Variants in UBE2E3 observed in about 807,000 individuals in gnomAD.
The protein encoded by UBE2E3 is ubiquitin-conjugating enzyme E2 E3.
In UBE2E3, 5 loss-of-function variants were observed where a neutral mutation model predicts 23.6. The observed-to-expected ratio is 0.21, with a 90% confidence interval of 0.11 to 0.44. The LOEUF (loss-of-function observed/expected upper bound fraction) is 0.44. Ranked by LOEUF, UBE2E3 falls within the 20% of genes least tolerant of loss-of-function variation. The probability of loss-of-function intolerance (pLI) is 0.99; values close to 1 mark genes in which losing one functional copy is unlikely to be tolerated. For missense variants in UBE2E3, 81 were observed against 249.8 expected, an observed-to-expected ratio of 0.32 and a Z score of 4.55; for synonymous variants, 78 against 87.5, an observed-to-expected ratio of 0.89 and a Z score of 0.60.
chr2:180,991,374 A>G (rs1684655014), intron 3 of UBE2E3, among the ~76,000 whole-genome samples: 1 of 152,190 alleles, frequency 6.6e-6, no homozygotes, highest in Admixed American at 6.5e-5. Flanking sequence ...CAAGAGATTA[A>G]CAACTTCCCA....
chr2:180,984,633 G>A (rs867718424), intron 3 of UBE2E3, among the ~76,000 whole-genome samples: 1 of 152,110 alleles, frequency 6.6e-6, no homozygotes, highest in African/African-American at 2.4e-5. Context: ...AATTATTTAC[G>A]TTTTAAGCAA....
At chr2:181,026,391 A>G (rs978315683) in intron 3 of UBE2E3, among the ~76,000 whole-genome samples, 2 of 151,776 alleles carry the variant, frequency 1.3e-5, no homozygotes, top group African/African-American at 4.8e-5. Flanking sequence ...TTAACAAATA[A>G]CTGCAGTCTC....
chr2:180,999,265 G>A (rs1219918805), intron 3 of UBE2E3, among the ~76,000 whole-genome samples: 1 of 152,104 alleles, frequency 6.6e-6, no homozygotes, highest in Non-Finnish European at 1.5e-5. Flanking sequence ...GTAGGCTAAA[G>A]AAGAAAAACT....
At chr2:181,041,231 TCTC>T (rs1202245697) in intron 3 of UBE2E3, among the ~76,000 whole-genome samples, 1 of 42,226 alleles carries the variant, frequency 2.4e-5, no homozygotes, top group Non-Finnish European at 4.6e-5. Flanking sequence ...CAAGACTCCG[TCTC>T]AAAAAAAAAA....
At chr2:181,055,392 G>C (rs937780876) in intron 3 of UBE2E3, among the ~76,000 whole-genome samples, 3 of 151,718 alleles carry the variant, frequency 2.0e-5, no homozygotes, top group Non-Finnish European at 4.4e-5. Flanking sequence ...AATATGATTT[G>C]TTTAAATTAC....
intron 2 of UBE2E3, among the ~76,000 whole-genome samples, chr2:180,982,525 A>AT (rs1398386884): frequency 6.6e-6 from 1 of 152,146 alleles, no homozygotes; most frequent in African/African-American, 2.4e-5. Context: ...GGCAAGGAAA[A>AT]TTTGGTGAAC....
At chr2:181,043,692 A>G (rs1325450072) in intron 3 of UBE2E3, among the ~76,000 whole-genome samples, 1 of 151,974 alleles carries the variant, frequency 6.6e-6, no homozygotes, top group African/African-American at 2.4e-5. Context: ...GACATAATCA[A>G]TGTTATTTCC....
chr2:181,044,399 G>A (rs905454544), intron 3 of UBE2E3, among the ~76,000 whole-genome samples: 5 of 152,092 alleles, frequency 3.3e-5, no homozygotes, highest in Admixed American at 1.3e-4. Context: ...CACTATGTAT[G>A]GCAAGAAGGA....
chr2:180,988,396 TTCAGGCATAGA>T (rs1452645236), intron 3 of UBE2E3, among the ~76,000 whole-genome samples: 17 of 152,162 alleles, frequency 1.1e-4, no homozygotes, highest in African/African-American at 4.1e-4. Flanking sequence ...GCCTAAAAAC[TTCAGGCATAGA>T]TGAACAAATA....
intron 3 of UBE2E3, among the ~76,000 whole-genome samples, chr2:180,993,086 T>C (rs1365162177): frequency 1.3e-5 from 2 of 152,232 alleles, no homozygotes; most frequent in African/African-American, 4.8e-5. Flanking sequence ...GATTTTTATC[T>C]CTGTTGACAT....
Position 181,060,675 on chromosome 2 carries a change from G to A in UBE2E3, c.389G>A (p.Arg130His). 6 of 1,599,850 alleles carry A rather than the reference G, an allele frequency of 3.8e-6. No individual in the cohort carries two copies. The highest frequency in any genetic ancestry group is 5.1e-6 in the Non-Finnish European group (6 of 1,173,816). The change falls in exon 5 of 6, where the codon CGC (arginine) becomes CAC (histidine). Residue 130 changes from arginine to histidine, a missense_variant. Physicochemically the swap from Arg to His is conservative, Grantham distance 29 (BLOSUM62 0). Coordinates refer to ENST00000410062, the MANE Select transcript of UBE2E3 (RefSeq NM_006357.4). ...YPFKPPKVTF[R>H]TRIYHCNINS... ...TGTGACTGTGCTTAGGTTACTTTCC[G>A]CACCAGAATCTATCACTGCAACATC...
At chr2:180,987,817 A>G (rs1252376081) in intron 3 of UBE2E3, among the ~76,000 whole-genome samples, 1 of 152,054 alleles carries the variant, frequency 6.6e-6, no homozygotes, top group Non-Finnish European at 1.5e-5. Context: ...TTTGCTACTT[A>G]AAAGAGTGAG....
intron 3 of UBE2E3, among the ~76,000 whole-genome samples, chr2:181,008,246 T>G (rs1240491121): frequency 6.6e-6 from 1 of 152,250 alleles, no homozygotes; most frequent in South Asian, 2.1e-4. Context: ...TGCAAATAAT[T>G]CTGCTAATAT....
chr2:181,029,839 C>CT (rs546001645), intron 3 of UBE2E3, among the ~76,000 whole-genome samples: 4,410 of 131,924 alleles, frequency 0.033, 240 homozygotes, highest in African/African-American at 0.1. Context: ...AATTCGGTCC[C>CT]TTTTTTTTTT....
intron 3 of UBE2E3, among the ~76,000 whole-genome samples, chr2:181,024,259 ATG>A (rs1297410133): frequency 6.6e-6 from 1 of 152,178 alleles, no homozygotes; most frequent in African/African-American, 2.4e-5. Flanking sequence ...TTGACACTTT[ATG>A]TGAGAGTAAA....
chr2:181,030,531 C>T (rs1286923782), intron 3 of UBE2E3, among the ~76,000 whole-genome samples: 2 of 151,972 alleles, frequency 1.3e-5, no homozygotes, highest in South Asian at 2.1e-4. Flanking sequence ...AGATTGGCTT[C>T]TTTTTTTCTT....
At chr2:181,009,459 A>T (rs971348958) in intron 3 of UBE2E3, among the ~76,000 whole-genome samples, 3 of 152,130 alleles carry the variant, frequency 2.0e-5, no homozygotes, top group Non-Finnish European at 4.4e-5. Context: ...AGTAAGATGG[A>T]AGTCCACCAC....
At chr2:181,002,584 T>C (rs1322677275) in intron 3 of UBE2E3, among the ~76,000 whole-genome samples, 1 of 152,204 alleles carries the variant, frequency 6.6e-6, no homozygotes, top group Non-Finnish European at 1.5e-5. Context: ...CATTAGAATT[T>C]AAAACAAAGG....
At chr2:181,024,923 T>C (rs1169120261) in intron 3 of UBE2E3, among the ~76,000 whole-genome samples, 3 of 152,020 alleles carry the variant, frequency 2.0e-5, no homozygotes, top group African/African-American at 4.8e-5. Flanking sequence ...ACTATACTGC[T>C]TCACATCAGC....
Sources: gnomAD v4.1 joint callset for allele counts (sites outside exome capture counted in the v4.1 genomes callset) on GRCh38, gnomAD v4.1.1 for gene constraint, MANE v1.5 for transcripts, NCBI Gene and HGNC (gene_info 2026-07-23, HGNC 2026-07-21) for gene names.